The following VPS50 variants were observed in gnomAD, a reference collection of about 807,000 sequenced individuals.
The protein encoded by VPS50 is syndetin.
In VPS50, 70 loss-of-function variants were observed where a neutral mutation model predicts 139.7. The ratio of observed to expected loss-of-function variants is 0.50; its 90% CI spans 0.41 to 0.61. VPS50 has a LOEUF of 0.61. Among genes scored for constraint, VPS50 ranks in the 20% least tolerant of loss-of-function variants. VPS50 has a pLI of 0.00. For synonymous variants in VPS50, 365 were observed against 376.7 expected (o/e 0.97, Z 0.36); for missense variants, 921 against 1,133.7 (o/e 0.81, Z 2.69).
intron 20 of VPS50, among the ~76,000 whole-genome samples, chr7:93,316,131 A>G (rs908046277): frequency 6.6e-6 from 1 of 152,184 alleles, no homozygotes; most frequent in African/African-American, 2.4e-5. Context: ...TGAAGTTGGT[A>G]AAGGCATTTT....
intron 20 of VPS50, among the ~76,000 whole-genome samples, chr7:93,312,956 T>C (rs775827997): frequency 1.9e-4 from 29 of 152,222 alleles, no homozygotes; most frequent in Non-Finnish European, 3.5e-4. Context: ...CTAGATTATG[T>C]TGAAGTAACA....
At chr7:93,292,994 C>G (rs1180851101) in intron 13 of VPS50, among the ~76,000 whole-genome samples, 1 of 152,104 alleles carries the variant, frequency 6.6e-6, no homozygotes, top group African/African-American at 2.4e-5. Context: ...GTTTTCACTT[C>G]TATTTACCAA....
At chr7:93,319,887 C>CT (rs1797549968) in intron 20 of VPS50, among the ~76,000 whole-genome samples, 1 of 151,896 alleles carries the variant, frequency 6.6e-6, no homozygotes, top group African/African-American at 2.4e-5. Flanking sequence ...CTTAATTTAA[C>CT]TTTTTATTTT....
At chr7:93,345,395 G>A (rs1688768324) in intron 23 of VPS50, among the ~76,000 whole-genome samples, 1 of 152,148 alleles carries the variant, frequency 6.6e-6, no homozygotes, top group South Asian at 2.1e-4. Flanking sequence ...AATTCTACCA[G>A]AGGTACAAGG....
intron 9 of VPS50, among the ~76,000 whole-genome samples, chr7:93,263,919 A>G (rs1267750931): frequency 1.3e-5 from 2 of 152,200 alleles, no homozygotes; most frequent in African/African-American, 4.8e-5. Flanking sequence ...AAAATAAAAA[A>G]TAATACAATA....
intron 17 of VPS50, 119 bp from the exon 18 acceptor site, chr7:93,305,709 T>C: frequency 5.5e-6 from 4 of 729,452 alleles, no homozygotes; most frequent in Non-Finnish European, 9.3e-6. Context: ...TAAAAGTCAA[T>C]AAACTGAAGA....
chr7:93,276,174 G>A lies in VPS50; in HGVS notation c.811G>A (p.Asp271Asn), dbSNP rs1290204678. The change falls in exon 12 of 28, where the codon GAT becomes AAT. Residue 271 changes from aspartate to asparagine, a missense_variant. Transcript: ENST00000305866. ...TTTTTTCTTTCCACAGACAGCAATGGATCAACTTCATATGCACTTCACCCA... is the reference window on the plus strand; with the variant it reads ...TTTTTTCTTTCCACAGACAGCAATGAATCAACTTCATATGCACTTCACCCA... ...RLLGKTQTAM[D>N]QLHMHFTQAI... is the part of the protein sequence containing the mutation. The A allele has an allele frequency of 6.2e-7, 1 of 1,608,800 alleles. No homozygotes were observed. Among genetic ancestry groups the A allele is most frequent in the Admixed American group, 1.7e-5 (1 of 59,286 alleles).
At chr7:93,232,824 G>T (rs183534187) in intron 1 of VPS50, among the ~76,000 whole-genome samples, 15 of 152,282 alleles carry the variant, frequency 9.9e-5, no homozygotes, top group Admixed American at 3.3e-4. Flanking sequence ...TCCGCATCCA[G>T]GCTGTCTGTC....
chr7:93,241,721 G>C (rs1794995982), intron 2 of VPS50, among the ~76,000 whole-genome samples: 1 of 151,868 alleles, frequency 6.6e-6, no homozygotes, highest in Non-Finnish European at 1.5e-5. Context: ...AGTCAGTACT[G>C]AGATCAGGAG....
chr7:93,251,609 A>AT, intron 2 of VPS50, among the ~76,000 whole-genome samples: 1 of 152,268 alleles, frequency 6.6e-6, no homozygotes, highest in South Asian at 2.1e-4. Context: ...TGGCATGTGT[A>AT]TACCTATGTA....
intron 3 of VPS50, 62 bp from the exon 4 acceptor site, chr7:93,253,798 G>T (rs1795406081): frequency 2.1e-6 from 2 of 948,590 alleles, no homozygotes; most frequent in Admixed American, 1.9e-5. Context: ...AAGGGTCCAG[G>T]TAAATGAAAC....
At chr7:93,236,636 A>G (rs1015529730) in intron 1 of VPS50, among the ~76,000 whole-genome samples, 14 of 152,238 alleles carry the variant, frequency 9.2e-5, no homozygotes, top group Admixed American at 2.0e-4. Flanking sequence ...TAATAAAGGC[A>G]GAGAACTGTA....
chr7:93,353,330 C>G (rs1798609717), intron 25 of VPS50, among the ~76,000 whole-genome samples: 1 of 152,098 alleles, frequency 6.6e-6, no homozygotes, highest in Admixed American at 6.5e-5. Flanking sequence ...CTCTATTCAT[C>G]TGTACTGACA....
At chr7:93,252,218 A>T (rs1584389291) in intron 2 of VPS50, among the ~76,000 whole-genome samples, 2 of 152,146 alleles carry the variant, frequency 1.3e-5, no homozygotes, top group East Asian at 3.9e-4. Context: ...GATGTCTTCT[A>T]TTCAGGACTC....
chr7:93,311,266 C>T lies in VPS50; in HGVS notation c.1849C>T (p.Leu617Phe). 8.8e-7 allele frequency: 1 copy of T among 1,141,646 alleles called. No homozygotes were observed. The allele number at this position is 1,141,646 out of a possible 1,614,324, so 70.7% of individuals were successfully genotyped here. Residue 617 changes from leucine to phenylalanine, a missense_variant, in exon 20 of 28, where the codon CTT (leucine) becomes TTT (phenylalanine). Around this residue, in one of 3 missense-constraint regions of VPS50, gnomAD observed 744 missense variants for 930.6 expected, o/e 0.80. Transcript: ENST00000305866. ...LTNTTLNVIR[L>F]VGKYMQMMNI... ...AAATACAACATTGAACGTCATAAGACTTGTTGGTAAGTAGCTACACCTTTA... is the reference window on the plus strand; with the variant it reads ...AAATACAACATTGAACGTCATAAGATTTGTTGGTAAGTAGCTACACCTTTA...
intron 25 of VPS50, among the ~76,000 whole-genome samples, chr7:93,351,409 T>TA (rs1798555032): frequency 6.6e-6 from 1 of 152,192 alleles, no homozygotes; most frequent in African/African-American, 2.4e-5. Context: ...TTCTATTTTT[T>TA]ATGACATGCT....
At chr7:93,334,877 TTTATGTTATTCAGACG>T (rs1460644586) in intron 22 of VPS50, among the ~76,000 whole-genome samples, 66 of 152,276 alleles carry the variant, frequency 4.3e-4, no homozygotes, top group African/African-American at 1.5e-3. Flanking sequence ...TAGCCGGAAA[TTTATGTTATTCAGACG>T]TTTCTCCACA....
At chr7:93,291,174 T>G (rs902660992) in intron 12 of VPS50, among the ~76,000 whole-genome samples, 1 of 152,072 alleles carries the variant, frequency 6.6e-6, no homozygotes, top group Non-Finnish European at 1.5e-5. Flanking sequence ...TTTCATAGCC[T>G]TGTTTATGTT....
intron 17 of VPS50, among the ~76,000 whole-genome samples, chr7:93,303,825 G>C (rs1797045700): frequency 6.6e-6 from 1 of 151,420 alleles, no homozygotes; most frequent in South Asian, 2.1e-4. Flanking sequence ...GATATTTTTT[G>C]TTTGTTTTGA....
Sources: gnomAD v4.1 joint callset for allele counts (sites outside exome capture counted in the v4.1 genomes callset) on GRCh38, gnomAD v4.1.1 for gene constraint, gnomAD v4.1.1 regional missense constraint, MANE v1.5 for transcripts, NCBI Gene and HGNC (gene_info 2026-07-23, HGNC 2026-07-21) for gene names.